PNPLA4: variants seen among roughly 807,000 people sequenced by gnomAD.
PNPLA4 encodes patatin like domain 4, phospholipase and triacylglycerol lipase, also known as patatin-like phospholipase domain-containing protein 4.
Under a neutral mutation model 18.3 loss-of-function variants are expected in PNPLA4, and 15 were observed. The ratio of observed to expected loss-of-function variants is 0.82; its 90% confidence interval spans 0.55 to 1.26. The LOEUF is 1.26. PNPLA4 is among the 50% of genes most tolerant of loss of function. The pLI, the probability that PNPLA4 is intolerant of heterozygous loss-of-function variation, is 0.00. For synonymous variants in PNPLA4, 88 were observed against 85.6 expected (o/e 1.03, Z -0.16); for missense variants, 229 against 196.8 (o/e 1.16, Z -0.98).
intron 5 of PNPLA4, among the ~76,000 whole-genome samples, chrX:7,905,067 T>G (rs1234286341): frequency 8.9e-6 from 1 of 112,557 alleles, no homozygotes; most frequent in African/African-American, 3.2e-5. Flanking sequence ...GTGTTCCACA[T>G]TCAAGTCAAT....
chrX:7,921,884 T>C, intron 3 of PNPLA4, 36 bp from the exon 4 acceptor site: 2 of 1,168,371 alleles, frequency 1.7e-6, no homozygotes, highest in Non-Finnish European at 1.2e-6. Flanking sequence ...TACTCACCTT[T>C]AATTATTGAA....
intron 5 of PNPLA4, among the ~76,000 whole-genome samples, chrX:7,908,525 C>T (rs768559754): frequency 7.1e-5 from 8 of 112,226 alleles, no homozygotes; most frequent in Middle Eastern, 4.2e-3. Context: ...GAAAACAACT[C>T]GGCATGGAAG....
Position 7,900,384 on chromosome X carries a change from AT to A in PNPLA4, c.*301del. 1 of 138,564 alleles carries A rather than the reference AT, an allele frequency of 7.2e-6. No individual in the cohort carries two copies. Among genetic ancestry groups the A allele is most frequent in the Non-Finnish European group, 1.4e-5 (1 of 70,472 alleles). The allele number at this position is 138,564 out of a possible 1,213,427, so 11.4% of individuals were successfully genotyped here. Reference sequence around the variant, plus strand: ...CATGGAACCTAAGTGGTGGCCCTCCATTTTCCATGTTCCTCAATTTACCCAA... The same window carrying A: ...CATGGAACCTAAGTGGTGGCCCTCCATTTCCATGTTCCTCAATTTACCCAA... On this transcript the variant is annotated 3_prime_UTR_variant, in exon 7 of 7. Transcript: ENST00000381042.
chrX:7,902,917 G>A (rs1388524289), intron 5 of PNPLA4, among the ~76,000 whole-genome samples: 1 of 111,953 alleles, frequency 8.9e-6, no homozygotes, highest in Non-Finnish European at 1.9e-5. Context: ...CAGTCTCAAT[G>A]CAGCCATGAT....
At chrX:7,923,068 G>T (rs994489588) in intron 2 of PNPLA4, among the ~76,000 whole-genome samples, 1 of 112,475 alleles carries the variant, frequency 8.9e-6, no homozygotes, top group African/African-American at 3.2e-5. Flanking sequence ...TCTTAACATT[G>T]CAGAATTTCA....
At chrX:7,916,154 C>T (rs1489096649) in intron 4 of PNPLA4, among the ~76,000 whole-genome samples, 3 of 111,909 alleles carry the variant, frequency 2.7e-5, no homozygotes, top group South Asian at 3.7e-4. Flanking sequence ...TGGAACTCTA[C>T]GACGCCATTG....
At position 7,926,027 on chromosome X, in the gene PNPLA4, T is replaced by C; in HGVS notation, c.93A>G (p.Lys31=). 1.7e-6 allele frequency: 2 copies of C among 1,211,370 alleles called. No individual in the cohort carries two copies. The highest frequency in any genetic ancestry group is 2.2e-6 in the Non-Finnish European group (2 of 895,011). ...AASALCRHGK[K]LVKDVKAFAG... ...CGAAGGCTTTGACATCCTTCACAAG[T>C]TTTTTGCCATGTCTGCAAAGTGCAG... The change falls in exon 2 of 7, where the codon AAA becomes AAG. Residue 31 remains lysine, a synonymous_variant. Coordinates refer to ENST00000381042, the MANE Select transcript of PNPLA4 (RefSeq NM_004650.3).
chrX:7,915,613 A>G (rs1477475540), intron 4 of PNPLA4, among the ~76,000 whole-genome samples: 1 of 111,973 alleles, frequency 8.9e-6, no homozygotes, highest in East Asian at 2.8e-4. Context: ...CAACTGTATA[A>G]AACATCGCCA....
At chrX:7,921,938 A>C in intron 3 of PNPLA4, 66 bp downstream of exon 3, 1 of 1,125,624 alleles carries the variant, frequency 8.9e-7, no homozygotes, top group Non-Finnish European at 1.2e-6. Flanking sequence ...AGCTTGCCAA[A>C]GTTTGTACAG....
intron 5 of PNPLA4, among the ~76,000 whole-genome samples, chrX:7,907,894 G>GT (rs1240280762): frequency 0.018 from 392 of 21,711 alleles, 5 homozygotes; most frequent in African/African-American, 0.069. Flanking sequence ...GCTAATTTTT[G>GT]TTTTTTTTTT....
At position 7,905,679 on chromosome X, in the gene PNPLA4, G is replaced by A. The variant is rs780838562; in HGVS notation, c.478-3538C>T. ...ATTTCACATGTATAATTTAATATGC[G>A]AACCCTGTAAGGCAGAAAGGTCATG... On this transcript the variant is annotated intron_variant, in intron 5 of 6. Transcript: ENST00000381042. Among the ~76,000 whole-genome samples, 6 of 112,438 alleles carry A rather than the reference G, an allele frequency of 5.3e-5. No homozygotes were observed. The South Asian group carries it at 1.1e-3, about 21-fold the overall frequency.
chrX:7,922,140 G>C (rs1395436213), intron 2 of PNPLA4, 42 bp from the exon 3 acceptor site: 4 of 930,132 alleles, frequency 4.3e-6, no homozygotes, highest in African/African-American at 2.0e-5. Flanking sequence ...GTGTTGTAAA[G>C]AAAACAATCA....
At chrX:7,908,360 G>A (rs1165727218) in intron 5 of PNPLA4, among the ~76,000 whole-genome samples, 3 of 112,015 alleles carry the variant, frequency 2.7e-5, no homozygotes, top group African/African-American at 9.8e-5. Context: ...AACCTGAGCT[G>A]TATGAAAACA....
At chrX:7,919,599 A>C (rs1455190622) in intron 4 of PNPLA4, among the ~76,000 whole-genome samples, 2 of 112,435 alleles carry the variant, frequency 1.8e-5, no homozygotes, top group African/African-American at 6.5e-5. Flanking sequence ...ATATGGGATC[A>C]TCCTCCTATC....
intron 4 of PNPLA4, among the ~76,000 whole-genome samples, chrX:7,916,952 G>T (rs1304289761): frequency 1.8e-5 from 2 of 112,307 alleles, no homozygotes; most frequent in Non-Finnish European, 3.7e-5. Context: ...CCCTTTGTCA[G>T]TACAGTTACT....
intron 1 of PNPLA4, 27 bp from the exon 2 acceptor site, chrX:7,926,159 G>C: frequency 6.3e-6 from 7 of 1,102,905 alleles, no homozygotes; most frequent in African/African-American, 1.8e-5. Context: ...CAAAAATGCT[G>C]TAAGTTGGAA....
chrX:7,926,515 CAG>C (rs1924416247), intron 1 of PNPLA4, among the ~76,000 whole-genome samples: 1 of 111,799 alleles, frequency 8.9e-6, no homozygotes, highest in Admixed American at 9.5e-5. Flanking sequence ...CATTATGAAA[CAG>C]AAAATTATTA....
Position 7,926,142 on chromosome X carries a change from C to CA in PNPLA4, c.-13-11dup. 8.7e-7 allele frequency: 1 copy of CA among 1,153,675 alleles called. No individual in the cohort carries two copies. The highest frequency in any genetic ancestry group is 1.2e-6 in the Non-Finnish European group (1 of 852,572). ...CATTCTAGCTGTAGCACTGGCAATA[C>CA]AAAAAACAAAAATGCTGTAAGTTGG... On this transcript the variant is annotated splice_polypyrimidine_tract_variant and intron_variant, in intron 1 of 6. Transcript: ENST00000381042.
chrX:7,901,273 T>A (rs1188645190), intron 6 of PNPLA4, among the ~76,000 whole-genome samples: 1 of 112,102 alleles, frequency 8.9e-6, no homozygotes, highest in Non-Finnish European at 1.9e-5. Flanking sequence ...TCTAAGCAAA[T>A]AAATGATTTT....
Sources: gnomAD v4.1 joint callset for allele counts (sites outside exome capture counted in the v4.1 genomes callset) on GRCh38, gnomAD v4.1.1 for gene constraint, MANE v1.5 for transcripts, NCBI Gene and HGNC (gene_info 2026-07-23, HGNC 2026-07-21) for gene names.